Variants in ROBO2 observed in about 807,000 individuals in gnomAD.
The protein encoded by ROBO2 is roundabout homolog 2.
A neutral mutation model predicts 160.8 loss-of-function variants in ROBO2; 53 were observed. The ratio of observed to expected loss-of-function variants is 0.33; its 90% CI spans 0.26 to 0.41. ROBO2 has a LOEUF of 0.41. Among genes scored for constraint, ROBO2 ranks in the 10% least tolerant of loss-of-function variants. The pLI, the probability that ROBO2 is intolerant of heterozygous loss-of-function variation, is 1.00. For missense variants in ROBO2, 1,577 were observed against 1,722.4 expected (o/e 0.92, Z 1.49); for synonymous variants, 664 against 611.7 (o/e 1.09, Z -1.26).
chr3:76,320,337 T>C (rs946362844), intron 2 of ROBO2, among the ~76,000 whole-genome samples: 2 of 152,162 alleles, frequency 1.3e-5, no homozygotes, highest in African/African-American at 4.8e-5. Flanking sequence ...ATTAAAAAGA[T>C]GTAATGAGTT....
intron 2 of ROBO2, among the ~76,000 whole-genome samples, chr3:77,438,276 G>T (rs769830606): frequency 6.6e-6 from 1 of 151,660 alleles, no homozygotes; most frequent in Non-Finnish European, 1.5e-5. Context: ...CCTCTGAGAG[G>T]GATGAGCAAA....
At chr3:75,962,765 C>G (rs964038966) in intron 2 of ROBO2, among the ~76,000 whole-genome samples, 8 of 151,656 alleles carry the variant, frequency 5.3e-5, no homozygotes, top group Non-Finnish European at 1.0e-4. Context: ...AAAAATAATT[C>G]TTTCGTGCTG....
intron 7 of ROBO2, among the ~76,000 whole-genome samples, chr3:77,550,442 G>A (rs936793719): frequency 2.0e-5 from 3 of 152,024 alleles, no homozygotes; most frequent in African/African-American, 7.2e-5. Context: ...GTTATGGCCA[G>A]ATCTTCATGA....
chr3:77,140,724 C>T (rs558847975), intron 2 of ROBO2, among the ~76,000 whole-genome samples: 17 of 152,200 alleles, frequency 1.1e-4, no homozygotes, highest in African/African-American at 3.6e-4. Flanking sequence ...AAAATTTAGC[C>T]CAGGGTCCCA....
intron 2 of ROBO2, among the ~76,000 whole-genome samples, chr3:76,419,113 A>G (rs1261154674): frequency 1.3e-5 from 2 of 152,218 alleles, no homozygotes; most frequent in Non-Finnish European, 1.5e-5. Flanking sequence ...GACAGCAGGT[A>G]AACAGTGGGT....
At chr3:77,468,731 A>G (rs536803353) in intron 2 of ROBO2, among the ~76,000 whole-genome samples, 1 of 152,372 alleles carries the variant, frequency 6.6e-6, no homozygotes, top group South Asian at 2.1e-4. Context: ...TGAACAAGTC[A>G]CAGGGCATTC....
chr3:77,490,801 C>A (rs2086008617), intron 4 of ROBO2, among the ~76,000 whole-genome samples: 1 of 152,170 alleles, frequency 6.6e-6, no homozygotes, highest in South Asian at 2.1e-4. Context: ...TCACCCTATG[C>A]GTCTGACTGA....
At chr3:75,938,954 G>T (rs569075897) in intron 2 of ROBO2, among the ~76,000 whole-genome samples, 1 of 152,128 alleles carries the variant, frequency 6.6e-6, no homozygotes, top group South Asian at 2.1e-4. Flanking sequence ...TTTCACCAAA[G>T]GTCTAAAACA....
At chr3:77,075,672 CTT>C (rs1174587812) in intron 1 of ROBO2, among the ~76,000 whole-genome samples, 5 of 87,256 alleles carry the variant, frequency 5.7e-5, no homozygotes, top group Non-Finnish European at 8.1e-5. Flanking sequence ...TTTCTTTCTC[CTT>C]TTTTTTTTTT....
At chr3:76,488,443 T>C (rs2079619170) in intron 2 of ROBO2, among the ~76,000 whole-genome samples, 1 of 151,994 alleles carries the variant, frequency 6.6e-6, no homozygotes, top group Admixed American at 6.6e-5. Flanking sequence ...TGGTCCTCTC[T>C]CTGCTGTTAG....
intron 2 of ROBO2, among the ~76,000 whole-genome samples, chr3:76,861,672 A>G (rs1180483094): frequency 1.3e-5 from 2 of 152,146 alleles, no homozygotes; most frequent in Non-Finnish European, 2.9e-5. Flanking sequence ...ATAACTACCT[A>G]CTGAACAACT....
At chr3:76,785,760 C>T (rs527301345) in intron 2 of ROBO2, among the ~76,000 whole-genome samples, 21 of 151,238 alleles carry the variant, frequency 1.4e-4, no homozygotes, top group Non-Finnish European at 2.5e-4. Flanking sequence ...CCAAGAGTGC[C>T]AACTAAGTCA....
rs78047092 is a variant in ROBO2 at position 76,795,947 on chromosome 3, A to C, written c.110-302067A>C. On this transcript the variant is annotated intron_variant, in intron 2 of 26. Transcript: ENST00000487694. ...ATGGATATTGCATTAGCAGGCATGAAACAACATTAATTTTTTTATACATCT... is the reference window on the plus strand; with the variant it reads ...ATGGATATTGCATTAGCAGGCATGACACAACATTAATTTTTTTATACATCT... 1.2e-4 allele frequency among the ~76,000 whole-genome samples: 18 copies of C among 152,262 alleles called. No individual in the cohort carries two copies. The East Asian group carries it at 3.5e-3, about 29-fold the overall frequency.
chr3:76,676,617 A>G (rs264533), intron 2 of ROBO2, among the ~76,000 whole-genome samples: 64,895 of 151,946 alleles, frequency 0.43, 15,667 homozygotes, highest in Non-Finnish European at 0.55. Flanking sequence ...CAACCTCACA[A>G]TCTTCAGATT....
At chr3:76,166,355 A>G (rs2072837289) in intron 2 of ROBO2, among the ~76,000 whole-genome samples, 2 of 152,178 alleles carry the variant, frequency 1.3e-5, no homozygotes, top group African/African-American at 2.4e-5. Flanking sequence ...CTTGAATCGT[A>G]GGCTTTAATA....
intron 2 of ROBO2, among the ~76,000 whole-genome samples, chr3:76,315,102 C>A (rs1298013566): frequency 6.6e-6 from 1 of 152,118 alleles, no homozygotes; most frequent in East Asian, 1.9e-4. Context: ...CTAGTCTGAG[C>A]AACCACTGAT....
At chr3:77,154,252 G>A (rs144713612) in intron 2 of ROBO2, among the ~76,000 whole-genome samples, 23 of 151,968 alleles carry the variant, frequency 1.5e-4, no homozygotes, top group Admixed American at 4.6e-4. Context: ...TTCTTAGTAC[G>A]AAACTGTTAA....
chr3:77,177,424 A>G (rs145695180), intron 2 of ROBO2, among the ~76,000 whole-genome samples: 90 of 152,096 alleles, frequency 5.9e-4, no homozygotes, highest in African/African-American at 2.1e-3. Flanking sequence ...TGGAGGCTCA[A>G]GTCTCTTCTT....
intron 2 of ROBO2, among the ~76,000 whole-genome samples, chr3:77,219,162 G>A (rs1190236737): frequency 6.6e-6 from 1 of 151,648 alleles, no homozygotes; most frequent in South Asian, 2.1e-4. Context: ...AGAGATGGGG[G>A]TTTCACCATG....
Sources: gnomAD v4.1 joint callset for allele counts (sites outside exome capture counted in the v4.1 genomes callset) on GRCh38, gnomAD v4.1.1 for gene constraint, MANE v1.5 for transcripts, NCBI Gene and HGNC (gene_info 2026-07-23, HGNC 2026-07-21) for gene names.